Variants in EXOC6B observed in about 807,000 individuals in gnomAD.
EXOC6B encodes exocyst complex component 6B, also known as SEC15 homolog B.
A neutral mutation model predicts 113.5 loss-of-function variants in EXOC6B; 54 were observed. The observed-to-expected ratio is 0.48, with a 90% confidence interval of 0.38 to 0.60. The LOEUF (loss-of-function observed/expected upper bound fraction) is 0.60. EXOC6B is among the 20% of genes least tolerant of loss of function. The pLI is 0.00. For missense variants in EXOC6B, 797 were observed against 977.5 expected, an observed-to-expected ratio of 0.82 and a Z score of 2.46; for synonymous variants, 357 against 339.0, an observed-to-expected ratio of 1.05 and a Z score of -0.58.
intron 20 of EXOC6B, among the ~76,000 whole-genome samples, chr2:72,203,436 T>C (rs1243318878): frequency 6.6e-6 from 1 of 152,192 alleles, no homozygotes; most frequent in Non-Finnish European, 1.5e-5. Context: ...GCATCGAGTA[T>C]AGTCAAGGGA....
chr2:72,498,403 T>C (rs1700148615), intron 13 of EXOC6B, 51 bp downstream of exon 13: 8 of 1,293,962 alleles, frequency 6.2e-6, no homozygotes, highest in Non-Finnish European at 8.8e-6. Context: ...TACATGTGTG[T>C]ACACTAATGT....
At chr2:72,293,480 G>A (rs1468035986) in intron 20 of EXOC6B, among the ~76,000 whole-genome samples, 1 of 152,066 alleles carries the variant, frequency 6.6e-6, no homozygotes, top group African/African-American at 2.4e-5. Flanking sequence ...AACCATTAAT[G>A]TTTCATTAGA....
intron 1 of EXOC6B, among the ~76,000 whole-genome samples, chr2:72,773,528 A>G (rs536848208): frequency 4.1e-4 from 62 of 152,024 alleles, no homozygotes; most frequent in African/African-American, 1.4e-3. Flanking sequence ...CACAATGTGT[A>G]TATATATCAA....
At chr2:72,683,993 G>A (rs966939413) in intron 6 of EXOC6B, among the ~76,000 whole-genome samples, 5 of 152,060 alleles carry the variant, frequency 3.3e-5, no homozygotes, top group South Asian at 4.1e-4. Context: ...GTGCAATGGC[G>A]CAATCTTGGC....
chr2:72,277,493 G>GT lies in EXOC6B; in HGVS notation c.2196+57453dup, dbSNP rs539887050. ...GGTAATAATTAGAAAGTATGTATTT[G>GT]TTTTTTTTTTTTCTTTTTCTGGAGA... On this transcript the variant is annotated intron_variant, in intron 20 of 21. Transcript: ENST00000272427. Among the ~76,000 whole-genome samples, 251 of 144,908 alleles carry GT rather than the reference G, an allele frequency of 1.7e-3. 2 individuals carry two copies. The highest frequency in any genetic ancestry group is 3.6e-3 in the Middle Eastern group (1 of 274).
intron 20 of EXOC6B, among the ~76,000 whole-genome samples, chr2:72,228,514 G>A (rs533810646): frequency 5.3e-5 from 8 of 151,186 alleles, no homozygotes; most frequent in Non-Finnish European, 8.8e-5. Context: ...GAGAACATGC[G>A]GTGTTTGGTT....
chr2:72,456,279 T>A (rs1275194355), intron 18 of EXOC6B, among the ~76,000 whole-genome samples: 15 of 152,194 alleles, frequency 9.9e-5, no homozygotes, highest in Non-Finnish European at 8.8e-5. Flanking sequence ...AGCAAACTTT[T>A]GGTCATTATC....
In EXOC6B at chr2:72,271,397, C is replaced by T. The variant is rs536745087; in HGVS notation, c.2196+63550G>A. On this transcript the variant is annotated intron_variant, in intron 20 of 21. Transcript: ENST00000272427. Reference sequence around the variant, plus strand: ...TAAGCAGTATCTCTTGAGGAGGAGGCCTTGAGAGTCAAAGTCTGTCAAATG... The same window carrying T: ...TAAGCAGTATCTCTTGAGGAGGAGGTCTTGAGAGTCAAAGTCTGTCAAATG... Among the ~76,000 whole-genome samples, 5 of 152,010 alleles carry T rather than the reference C, an allele frequency of 3.3e-5. No individual in the cohort carries two copies. The East Asian group carries it at 7.7e-4, about 24-fold the overall frequency.
intron 17 of EXOC6B, among the ~76,000 whole-genome samples, chr2:72,475,134 C>G (rs1368918464): frequency 6.6e-6 from 1 of 152,114 alleles, no homozygotes; most frequent in South Asian, 2.1e-4. Context: ...CCAGTGGTGG[C>G]AGCAGTGGGA....
At chr2:72,475,309 G>A (rs969522885) in intron 17 of EXOC6B, among the ~76,000 whole-genome samples, 37 of 152,192 alleles carry the variant, frequency 2.4e-4, no homozygotes, top group African/African-American at 8.4e-4. Context: ...CCAGCTTGAT[G>A]TGAATGATGA....
intron 5 of EXOC6B, among the ~76,000 whole-genome samples, chr2:72,719,888 T>C (rs1358943923): frequency 6.6e-6 from 1 of 152,186 alleles, no homozygotes; most frequent in Non-Finnish European, 1.5e-5. Context: ...AAGACAAGTA[T>C]TTTTTCTCTT....
intron 6 of EXOC6B, among the ~76,000 whole-genome samples, chr2:72,584,409 G>A (rs115197095): frequency 0.016 from 2,378 of 152,144 alleles, 85 homozygotes; most frequent in African/African-American, 0.055. Flanking sequence ...TATAAAAAAG[G>A]ACAAAGTAGG....
intron 6 of EXOC6B, among the ~76,000 whole-genome samples, chr2:72,712,150 G>C: frequency 6.6e-6 from 1 of 152,264 alleles, no homozygotes. Flanking sequence ...CTTCTAGCTA[G>C]ACACCATTTT....
At chr2:72,667,942 T>C (rs1341256260) in intron 6 of EXOC6B, among the ~76,000 whole-genome samples, 1 of 152,182 alleles carries the variant, frequency 6.6e-6, no homozygotes, top group African/African-American at 2.4e-5. Context: ...ACCTACAGAA[T>C]GGGAGAAAAT....
chr2:72,324,061 T>C (rs1687993301), intron 20 of EXOC6B, among the ~76,000 whole-genome samples: 1 of 150,388 alleles, frequency 6.6e-6, no homozygotes, highest in Admixed American at 6.6e-5. Flanking sequence ...AATAAGCATA[T>C]AAAAAAAAAG....
intron 12 of EXOC6B, among the ~76,000 whole-genome samples, 167 bp downstream of exon 12, chr2:72,499,734 A>C (rs1249702040): frequency 6.6e-6 from 1 of 151,964 alleles, no homozygotes; most frequent in East Asian, 1.9e-4. Flanking sequence ...GAGTCTCACT[A>C]TATTTCTGAG....
intron 19 of EXOC6B, among the ~76,000 whole-genome samples, chr2:72,357,492 A>G (rs1183934980): frequency 6.6e-6 from 1 of 152,014 alleles, no homozygotes; most frequent in Non-Finnish European, 1.5e-5. Flanking sequence ...GGAGTTTGAG[A>G]CCAGCCTGGC....
At position 72,706,714 on chromosome 2, in the gene EXOC6B, G is replaced by C. The variant is rs1678902582; in HGVS notation, c.669+11389C>G. 2.0e-5 allele frequency among the ~76,000 whole-genome samples: 3 copies of C among 152,202 alleles called. No individual in the cohort carries two copies. The South Asian group carries it at 6.2e-4, about 32-fold the overall frequency. ...TACTTTTAGCCTAGGACGACATTCA[G>C]ACTATGGCCTCGTGGAATGGATTTT... On this transcript the variant is annotated intron_variant, in intron 6 of 21. Coordinates refer to ENST00000272427, the MANE Select transcript of EXOC6B (RefSeq NM_015189.3).
intron 18 of EXOC6B, among the ~76,000 whole-genome samples, chr2:72,442,050 A>G (rs1181185520): frequency 6.6e-6 from 1 of 152,236 alleles, no homozygotes; most frequent in Non-Finnish European, 1.5e-5. Context: ...AAGCTTATGC[A>G]CCATGATCAA....
Sources: allele counts gnomAD v4.1 joint callset (sites outside exome capture counted in the v4.1 genomes callset), GRCh38; gene constraint gnomAD v4.1.1; transcripts MANE v1.5; gene names NCBI Gene and HGNC (gene_info 2026-07-23, HGNC 2026-07-21).